Variants in GPC6 observed in about 807,000 individuals in gnomAD.
GPC6 encodes the protein glypican 6.
GPC6 carries 14 observed loss-of-function variants against 55.2 expected under a neutral mutation model. The ratio of observed to expected loss-of-function variants is 0.25; its 90% CI spans 0.17 to 0.40. The LOEUF is 0.40. Ranked by LOEUF, GPC6 falls within the 10% of genes least tolerant of loss-of-function variation. GPC6 has a pLI of 1.00. For missense variants in GPC6, 641 were observed against 708.5 expected, an observed-to-expected ratio of 0.90 and a Z score of 1.08; for synonymous variants, 278 against 259.6, an observed-to-expected ratio of 1.07 and a Z score of -0.68.
At chr13:93,772,996 C>A (rs113539537) in intron 2 of GPC6, among the ~76,000 whole-genome samples, 1 of 151,994 alleles carries the variant, frequency 6.6e-6, no homozygotes, top group Admixed American at 6.6e-5. Context: ...TACCATGTTC[C>A]CGGTGGGACA....
At chr13:93,806,785 T>A (rs1400167695) in intron 2 of GPC6, among the ~76,000 whole-genome samples, 1 of 152,214 alleles carries the variant, frequency 6.6e-6, no homozygotes, top group African/African-American at 2.4e-5. Context: ...TATTACTTTG[T>A]ATGCAGATAT....
In GPC6 at chr13:93,902,319, C is replaced by A. The variant is rs1001455126; in HGVS notation, c.711+71774C>A. ...ATCATGTGACATTTGTCTTTCTGTG[C>A]CTACTTTATTTCATTTACCATAATG... On this transcript the variant is annotated intron_variant, in intron 3 of 8. Coordinates refer to ENST00000377047, the MANE Select transcript of GPC6 (RefSeq NM_005708.5). Among the ~76,000 whole-genome samples, 36 of 152,080 alleles carry A rather than the reference C, an allele frequency of 2.4e-4. 1 individual carries two copies. Among genetic ancestry groups the A allele is most frequent in the Admixed American group, 2.1e-3 (32 of 15,244 alleles).
chr13:94,290,429 T>TAAAAAAAAAAAAAAAAAA (rs532958421), intron 5 of GPC6, among the ~76,000 whole-genome samples: 1 of 99,040 alleles, frequency 1.0e-5, no homozygotes, highest in African/African-American at 3.8e-5. Flanking sequence ...TCTAGAAAGG[T>TAAAAAAAAAAAAAAAAAA]AAAAAAAAAA....
At chr13:94,043,050 C>T (rs1883598108) in intron 4 of GPC6, among the ~76,000 whole-genome samples, 1 of 151,806 alleles carries the variant, frequency 6.6e-6, no homozygotes, top group Admixed American at 6.6e-5. Flanking sequence ...GAGCTCCTTA[C>T]TTTTGGGTCC....
intron 2 of GPC6, among the ~76,000 whole-genome samples, chr13:93,546,372 A>C (rs1438879221): frequency 2.0e-5 from 3 of 152,326 alleles, no homozygotes; most frequent in Non-Finnish European, 2.9e-5. Flanking sequence ...TGTAGTAGGT[A>C]AAATGTTCCA....
intron 1 of GPC6, among the ~76,000 whole-genome samples, chr13:93,494,256 T>G (rs1338100318): frequency 7.4e-6 from 1 of 135,960 alleles, no homozygotes; most frequent in Non-Finnish European, 1.6e-5. Flanking sequence ...CTTGTTGAAT[T>G]GATCCCTTTA....
intron 1 of GPC6, among the ~76,000 whole-genome samples, chr13:93,328,458 G>A (rs1879730749): frequency 6.6e-6 from 1 of 152,006 alleles, no homozygotes; most frequent in South Asian, 2.1e-4. Context: ...AGGATCGCTT[G>A]AGCCCAGGAG....
intron 4 of GPC6, among the ~76,000 whole-genome samples, chr13:94,255,106 T>A (rs887526359): frequency 2.0e-5 from 3 of 152,150 alleles, no homozygotes; most frequent in Non-Finnish European, 4.4e-5. Flanking sequence ...CAGAAATTAT[T>A]TTATTAGCAG....
chr13:93,809,059 A>G (rs1357529989), intron 2 of GPC6, among the ~76,000 whole-genome samples: 1 of 152,206 alleles, frequency 6.6e-6, no homozygotes, highest in African/African-American at 2.4e-5. Flanking sequence ...AAGTAGAAAT[A>G]TATTCATTTT....
intron 4 of GPC6, among the ~76,000 whole-genome samples, chr13:94,240,179 G>A (rs987098930): frequency 2.0e-5 from 3 of 152,098 alleles, no homozygotes; most frequent in Admixed American, 2.0e-4. Context: ...ACAGAACCCA[G>A]CTAGCAGAAA....
At chr13:93,272,442 C>A (rs947772723) in intron 1 of GPC6, among the ~76,000 whole-genome samples, 3 of 148,706 alleles carry the variant, frequency 2.0e-5, no homozygotes, top group Non-Finnish European at 3.0e-5. Context: ...AAATTTTAAG[C>A]ACTGAAATTT....
At chr13:93,431,387 T>A (rs1485930112) in intron 1 of GPC6, among the ~76,000 whole-genome samples, 1 of 152,072 alleles carries the variant, frequency 6.6e-6, no homozygotes, top group African/African-American at 2.4e-5. Context: ...GATGTCTCCA[T>A]AAAATCTTCA....
chr13:94,238,273 A>C (rs1397597901), intron 4 of GPC6, among the ~76,000 whole-genome samples: 1 of 152,158 alleles, frequency 6.6e-6, no homozygotes, highest in African/African-American at 2.4e-5. Flanking sequence ...AATCATTAGC[A>C]TAAAGACTAT....
intron 2 of GPC6, among the ~76,000 whole-genome samples, chr13:93,757,187 G>C (rs1884801496): frequency 6.6e-6 from 1 of 152,080 alleles, no homozygotes. Context: ...CTCCCTACAG[G>C]CCCATGTATG....
At chr13:93,430,308 T>G (rs189330425) in intron 1 of GPC6, among the ~76,000 whole-genome samples, 1 of 148,814 alleles carries the variant, frequency 6.7e-6, no homozygotes, top group Non-Finnish European at 1.5e-5. Context: ...AGTTCCTTTT[T>G]ATCTTTAACA....
At chr13:94,115,985 T>C (rs963016552) in intron 4 of GPC6, among the ~76,000 whole-genome samples, 3 of 152,116 alleles carry the variant, frequency 2.0e-5, no homozygotes, top group Non-Finnish European at 4.4e-5. Flanking sequence ...ACCTATTTCA[T>C]AGAAATATTG....
chr13:94,189,093 C>T (rs1289594596), intron 4 of GPC6, among the ~76,000 whole-genome samples: 1 of 152,148 alleles, frequency 6.6e-6, no homozygotes, highest in Admixed American at 6.5e-5. Flanking sequence ...GTGGCTTCCT[C>T]AAGAGACATT....
intron 2 of GPC6, among the ~76,000 whole-genome samples, chr13:93,680,546 G>T (rs1034903964): frequency 3.3e-5 from 5 of 152,168 alleles, no homozygotes; most frequent in Non-Finnish European, 5.9e-5. Flanking sequence ...TAGCAGATGT[G>T]ACTGAAATGG....
intron 1 of GPC6, among the ~76,000 whole-genome samples, chr13:93,470,297 T>A (rs1879062333): frequency 6.6e-6 from 1 of 152,130 alleles, no homozygotes. Flanking sequence ...TATTTTTATT[T>A]CTAGTTTGCT....
Sources: allele counts gnomAD v4.1 joint callset (sites outside exome capture counted in the v4.1 genomes callset), GRCh38; gene constraint gnomAD v4.1.1; transcripts MANE v1.5; gene names NCBI Gene and HGNC (gene_info 2026-07-23, HGNC 2026-07-21).